Variants in PKD2L1 observed in about 807,000 individuals in gnomAD.
PKD2L1 encodes polycystin 2 like 1, transient receptor potential cation channel.
PKD2L1 carries 77 observed loss-of-function variants against 93.0 expected under a neutral mutation model. That is an observed-to-expected ratio of 0.83 (90% CI 0.69 to 1.00). The LOEUF (loss-of-function observed/expected upper bound fraction) is 1.00, where lower values mean the gene tolerates loss of function less well. Among genes scored for constraint, PKD2L1 ranks in the 50% least tolerant of loss-of-function variants. The pLI, the probability that PKD2L1 is intolerant of heterozygous loss-of-function variation, is 0.00. For synonymous variants in PKD2L1, 390 were observed against 388.0 expected, an observed-to-expected ratio of 1.01 and a Z score of -0.06; for missense variants, 977 against 990.9, an observed-to-expected ratio of 0.99 and a Z score of 0.19.
rs11190475 is a variant in PKD2L1, at chr10:100,323,069, G to C, written c.349+6142C>G. Reference sequence around the variant, plus strand: ...TCAATAAAGGTTTGTTGTTTGTGCTGTTAATAATGATGATGGTGGTGGTGG... The same window carrying C: ...TCAATAAAGGTTTGTTGTTTGTGCTCTTAATAATGATGATGGTGGTGGTGG... On this transcript the variant is annotated intron_variant, in intron 2 of 15. Coordinates refer to ENST00000318222, the MANE Select transcript of PKD2L1 (RefSeq NM_016112.3). Among the ~76,000 whole-genome samples, 154 of 152,308 alleles carry C rather than the reference G, an allele frequency of 1.0e-3. 3 individuals carry two copies. The East Asian group carries it at 0.028, about 28-fold the overall frequency.
At chr10:100,291,747 A>G (rs554901605) in intron 11 of PKD2L1, among the ~76,000 whole-genome samples, 1 of 152,098 alleles carries the variant, frequency 6.6e-6, no homozygotes, top group Non-Finnish European at 1.5e-5. Flanking sequence ...CCATAATACA[A>G]CTAGAGTAAT....
chr10:100,296,091 A>G, intron 7 of PKD2L1, 31 bp downstream of exon 7: 1 of 1,576,112 alleles, frequency 6.3e-7, no homozygotes, highest in South Asian at 1.2e-5. Flanking sequence ...GTGCGCCTTG[A>G]AGCAAAGCTG....
chr10:100,319,788 C>T (rs1849187275), intron 2 of PKD2L1, among the ~76,000 whole-genome samples: 1 of 152,242 alleles, frequency 6.6e-6, no homozygotes, highest in Non-Finnish European at 1.5e-5. Flanking sequence ...TCCATGGTGA[C>T]CAGACCCAGC....
Position 100,288,229 on chromosome 10 carries a change from A to G in PKD2L1, c.*167T>C. 1.6e-6 allele frequency: 1 copy of G among 621,852 alleles called. No homozygotes were observed. The allele number at this position is 621,852 out of a possible 1,614,324, so 38.5% of individuals were successfully genotyped here. A position where few individuals can be genotyped will look rare whatever the true frequency, so the allele number is the denominator to read the frequency against. ...AGAATAATGTCAGAACCCACCACATATTAATTCAAAGATCTCTGAATCCTG... is the reference window on the plus strand; with the variant it reads ...AGAATAATGTCAGAACCCACCACATGTTAATTCAAAGATCTCTGAATCCTG... On this transcript the variant is annotated 3_prime_UTR_variant, in exon 16 of 16. Transcript: ENST00000318222.
At chr10:100,299,433 T>C (rs1364790619) in intron 3 of PKD2L1, among the ~76,000 whole-genome samples, 158 bp downstream of exon 3, 3 of 152,212 alleles carry the variant, frequency 2.0e-5, no homozygotes, top group African/African-American at 7.2e-5. Context: ...CACCTCCACC[T>C]GAACTCTAGA....
At chr10:100,290,566 G>T (rs762771268) in intron 12 of PKD2L1, 47 bp from the exon 13 acceptor site, 1 of 1,229,386 alleles carries the variant, frequency 8.1e-7, no homozygotes, top group South Asian at 1.2e-5. Context: ...ACTCTGGGAA[G>T]CCATCAGCTC....
intron 2 of PKD2L1, among the ~76,000 whole-genome samples, chr10:100,306,545 C>A (rs768101984): frequency 2.0e-5 from 3 of 152,008 alleles, no homozygotes; most frequent in Non-Finnish European, 4.4e-5. Flanking sequence ...CCCTCGGGTG[C>A]ATTATTGCAG....
intron 2 of PKD2L1, among the ~76,000 whole-genome samples, chr10:100,324,188 T>C (rs1849326683): frequency 6.6e-6 from 1 of 152,156 alleles, no homozygotes; most frequent in Admixed American, 6.5e-5. Context: ...GGTGCAGAGA[T>C]TTCCCATAGA....
chr10:100,328,972 C>T (rs1589687465), intron 2 of PKD2L1, among the ~76,000 whole-genome samples: 2 of 152,220 alleles, frequency 1.3e-5, no homozygotes, highest in East Asian at 3.8e-4. Context: ...CTGGTTTCCC[C>T]TTGTAATTCT....
chr10:100,329,995 C>T lies in PKD2L1; in HGVS notation c.109G>A (p.Val37Ile). ...GPPSPHGTLR[V>I]CTISSTGPLQ... ...GGCCCCGTGCTGGAGATGGTGCAGA[C>T]TCTCAGCGTCCCGTGTGGGGAAGGG... Residue 37 changes from valine to isoleucine, a missense_variant, in exon 1 of 16, where the codon GTC becomes ATC. Val to Ile is a conservative substitution (Grantham distance 29, BLOSUM62 3). Transcript: ENST00000318222. 1 of 1,613,916 alleles carries T rather than the reference C, an allele frequency of 6.2e-7. No homozygotes were observed. Among genetic ancestry groups the T allele is most frequent in the Non-Finnish European group, 8.5e-7 (1 of 1,179,832 alleles).
chr10:100,291,438 G>A lies in PKD2L1; in HGVS notation c.1881-11C>T, dbSNP rs369701984. ...TCTGCGTGTCCCAGTCTGAGAAGAG[G>A]ATGATGAAATGATTTCTGCCCAGCT... On this transcript the variant is annotated splice_polypyrimidine_tract_variant and intron_variant, in intron 11 of 15. Coordinates refer to ENST00000318222, the MANE Select transcript of PKD2L1 (RefSeq NM_016112.3). 1.4e-5 allele frequency: 23 copies of A among 1,613,664 alleles called. No homozygotes were observed. The African/African-American group carries it at 2.5e-4, about 18-fold the overall frequency.
At chr10:100,321,660 G>GAGAAA (rs1849230623) in intron 2 of PKD2L1, among the ~76,000 whole-genome samples, 2 of 109,658 alleles carry the variant, frequency 1.8e-5, no homozygotes, top group African/African-American at 7.9e-5. Flanking sequence ...GCAACAGAGT[G>GAGAAA]AGAAAAGAAA....
rs1564880959 is a variant in PKD2L1 at position 100,294,626 on chromosome 10, TC to T, written c.1567del (p.Asp523ThrfsTer31). 8 of 1,613,756 alleles carry T rather than the reference TC, an allele frequency of 5.0e-6. No individual in the cohort carries two copies. Among genetic ancestry groups the T allele is most frequent in the Non-Finnish European group, 5.9e-6 (7 of 1,179,938 alleles). On this transcript the variant is annotated frameshift_variant, in exon 9 of 16. Coordinates refer to ENST00000318222, the MANE Select transcript of PKD2L1 (RefSeq NM_016112.3). LOFTEE classifies it high-confidence loss of function. ...ATTGTCGATAGCATTGTAGTCAAAG[TC>T]CCCGAGGATTATCCGGAACTGAGTG... ...IFTQFRIILG[D>X]FDYNAIDNAN...
intron 2 of PKD2L1, among the ~76,000 whole-genome samples, chr10:100,313,840 A>G (rs928027019): frequency 6.6e-6 from 1 of 152,200 alleles, no homozygotes; most frequent in Admixed American, 6.5e-5. Flanking sequence ...GACTTTACGC[A>G]GACAGATTTG....
At chr10:100,326,739 G>A (rs561958308) in intron 2 of PKD2L1, among the ~76,000 whole-genome samples, 215 of 152,288 alleles carry the variant, frequency 1.4e-3, no homozygotes, top group Non-Finnish European at 2.2e-3. Flanking sequence ...GGGTAAGTAC[G>A]ATGAGGAAAC....
intron 3 of PKD2L1, 77 bp downstream of exon 3, chr10:100,299,514 G>A: frequency 1.5e-6 from 2 of 1,327,172 alleles, no homozygotes; most frequent in African/African-American, 1.5e-5. Flanking sequence ...CCAGCATAAG[G>A]TCTGATCCGT....
rs2134385268 is a variant in PKD2L1 at position 100,299,613 on chromosome 10, C to A, written c.455G>T (p.Ser152Ile). 1 of 1,613,838 alleles carries A rather than the reference C, an allele frequency of 6.2e-7. No individual in the cohort carries two copies. Among genetic ancestry groups the A allele is most frequent in the East Asian group, 2.2e-5 (1 of 44,882 alleles). ...CACATCCCAGAAGTCCGCCATGCTG[C>A]TGATGGCCTGAAAGGAGACTCCAGT... is the stretch of plus-strand genomic sequence containing the variant. Reference protein sequence around the residue: ...SDTGVSFQAISSMADFWDFAQ... With the variant: ...SDTGVSFQAIISMADFWDFAQ... Residue 152 changes from serine (S) to isoleucine (I), a missense_variant, in exon 3 of 16, where the codon AGC becomes ATC. Physicochemically the swap from Ser to Ile is moderately radical, Grantham distance 142. Transcript: ENST00000318222.
intron 11 of PKD2L1, among the ~76,000 whole-genome samples, chr10:100,291,715 C>G (rs1326038105): frequency 1.3e-5 from 2 of 152,144 alleles, no homozygotes; most frequent in Admixed American, 1.3e-4. Context: ...CCCCTTTACT[C>G]CCTACCCCTG....
At chr10:100,302,213 T>C (rs968696489) in intron 2 of PKD2L1, among the ~76,000 whole-genome samples, 2 of 150,722 alleles carry the variant, frequency 1.3e-5, no homozygotes, top group African/African-American at 4.9e-5. Flanking sequence ...CTTTCCCTTA[T>C]TCCTAATTCA....
Sources: allele counts gnomAD v4.1 joint callset (sites outside exome capture counted in the v4.1 genomes callset), GRCh38; gene constraint gnomAD v4.1.1; transcripts MANE v1.5; gene names NCBI Gene and HGNC (gene_info 2026-07-23, HGNC 2026-07-21).